LINGO2: variants seen among roughly 807,000 people sequenced by gnomAD.
LINGO2 encodes leucine-rich repeat and immunoglobulin-like domain-containing nogo receptor-interacting protein 2.
A neutral mutation model predicts 30.6 loss-of-function variants in LINGO2; 14 were observed. The ratio of observed to expected loss-of-function variants is 0.46; its 90% confidence interval spans 0.30 to 0.72. The LOEUF (loss-of-function observed/expected upper bound fraction) is 0.72, where lower values mean the gene tolerates loss of function less well. Ranked by LOEUF, LINGO2 falls within the 30% of genes least tolerant of loss-of-function variation. LINGO2 has a pLI of 0.07. For missense variants in LINGO2, 729 were observed against 751.7 expected (o/e 0.97, Z 0.35); for synonymous variants, 317 against 288.5 (o/e 1.10, Z -1.00).
At chr9:28,797,359 TAGAG>T in the LINGO2 span, among the ~76,000 whole-genome samples, 45 of 34,202 alleles carry the variant, frequency 1.3e-3, no homozygotes, top group East Asian at 4.8e-3. Flanking sequence ...TATATATATA[TAGAG>T]AGAGAGAGAG....
intron 4 of LINGO2, among the ~76,000 whole-genome samples, chr9:28,273,664 G>A (rs1823019921): frequency 6.6e-6 from 1 of 152,136 alleles, no homozygotes; most frequent in Admixed American, 6.5e-5. Flanking sequence ...TCTATCAGAG[G>A]ATATTGGGAT....
the LINGO2 span, among the ~76,000 whole-genome samples, chr9:28,727,353 T>G: frequency 6.6e-6 from 1 of 151,978 alleles, no homozygotes; most frequent in Admixed American, 6.6e-5. Context: ...TGGTGCGATC[T>G]CAGCTCACTG....
At chr9:28,696,902 T>A in the LINGO2 span, among the ~76,000 whole-genome samples, 1 of 151,974 alleles carries the variant, frequency 6.6e-6, no homozygotes, top group Non-Finnish European at 1.5e-5. Flanking sequence ...GCTATACAAG[T>A]GACATGATCT....
chr9:28,473,945 C>T (rs888119170), intron 2 of LINGO2, among the ~76,000 whole-genome samples: 9 of 152,068 alleles, frequency 5.9e-5, no homozygotes, highest in Admixed American at 3.9e-4. Flanking sequence ...AAAAAACATT[C>T]CATCAGCATC....
intron 4 of LINGO2, among the ~76,000 whole-genome samples, chr9:28,057,410 C>T (rs146405294): frequency 0.018 from 2,749 of 151,600 alleles, 41 homozygotes; most frequent in Non-Finnish European, 0.026. Flanking sequence ...TGCCAGTAAG[C>T]GCTTTTGAGG....
the LINGO2 span, among the ~76,000 whole-genome samples, chr9:28,964,098 A>G: frequency 6.6e-6 from 1 of 151,444 alleles, no homozygotes; most frequent in East Asian, 1.9e-4. Flanking sequence ...ACATATATGT[A>G]CACACACACG....
the LINGO2 span, among the ~76,000 whole-genome samples, chr9:28,735,782 A>G: frequency 6.6e-6 from 1 of 151,848 alleles, no homozygotes; most frequent in Non-Finnish European, 1.5e-5. Context: ...AAAAAAAAAA[A>G]TACTTGTCAG....
At position 28,646,556 on chromosome 9, in the gene LINGO2, G is replaced by A. The variant is rs557902810; in HGVS notation, c.-365+23644C>T. Among the ~76,000 whole-genome samples, 26 of 152,030 alleles carry A rather than the reference G, an allele frequency of 1.7e-4. No homozygotes were observed. In the South Asian group the frequency reaches 5.2e-3, roughly 30 times the overall value. Reference sequence around the variant, plus strand: ...ACTAATTTTGATACTAACATGATATGAACCAACAAAAAGGATCAGACAAAA... The same window carrying A: ...ACTAATTTTGATACTAACATGATATAAACCAACAAAAAGGATCAGACAAAA... On this transcript the variant is annotated intron_variant, in intron 1 of 5. Coordinates refer to ENST00000379992, the Ensembl canonical transcript of LINGO2.
chr9:28,779,107 T>C, the LINGO2 span, among the ~76,000 whole-genome samples: 2 of 152,232 alleles, frequency 1.3e-5, no homozygotes, highest in Non-Finnish European at 2.9e-5. Flanking sequence ...ATCTGTTGTA[T>C]AATGTTATTT....
At chr9:28,247,567 G>C (rs1822048953) in intron 4 of LINGO2, among the ~76,000 whole-genome samples, 1 of 152,110 alleles carries the variant, frequency 6.6e-6, no homozygotes. Flanking sequence ...CATGGACACA[G>C]GGAGGGGAAC....
At chr9:28,840,830 G>A in the LINGO2 span, among the ~76,000 whole-genome samples, 29 of 151,944 alleles carry the variant, frequency 1.9e-4, no homozygotes, top group East Asian at 4.8e-3. Flanking sequence ...AGAAGGGAGA[G>A]TAATTTGGTT....
chr9:29,198,744 G>A, the LINGO2 span, among the ~76,000 whole-genome samples: 1 of 152,070 alleles, frequency 6.6e-6, no homozygotes, highest in African/African-American at 2.4e-5. Context: ...ACTAAAGAGG[G>A]CAACTAAGAA....
chr9:28,392,631 C>T (rs543206877), intron 2 of LINGO2, among the ~76,000 whole-genome samples: 65 of 152,270 alleles, frequency 4.3e-4, no homozygotes, highest in African/African-American at 1.5e-3. Flanking sequence ...TCCAGTTCCC[C>T]CTACCCTTCC....
At chr9:28,028,286 G>A (rs990097813) in intron 4 of LINGO2, among the ~76,000 whole-genome samples, 3 of 152,088 alleles carry the variant, frequency 2.0e-5, no homozygotes, top group South Asian at 2.1e-4. Flanking sequence ...AACTAGGCAG[G>A]TGCAATGCCA....
Position 28,280,574 on chromosome 9 carries a change from G to C in LINGO2, c.-87+14634C>G, listed in dbSNP as rs1392368846. On this transcript the variant is annotated intron_variant, in intron 4 of 5. Coordinates refer to ENST00000379992, the Ensembl canonical transcript of LINGO2. Reference sequence around the variant, plus strand: ...CTACTTCCTAGTGTGTTCCATTTAAGACAATGTCCTTTTACTCTTCCTCAG... The same window carrying C: ...CTACTTCCTAGTGTGTTCCATTTAACACAATGTCCTTTTACTCTTCCTCAG... Among the ~76,000 whole-genome samples, 3 of 152,090 alleles carry C rather than the reference G, an allele frequency of 2.0e-5. No homozygotes were observed. In the East Asian group the frequency reaches 5.8e-4, roughly 29 times the overall value.
At chr9:28,358,615 A>C (rs2134492802) in intron 3 of LINGO2, among the ~76,000 whole-genome samples, 1 of 152,258 alleles carries the variant, frequency 6.6e-6, no homozygotes, top group Non-Finnish European at 1.5e-5. Context: ...GGAACCAGGC[A>C]TATGGGCTAC....
chr9:28,475,173 C>G (rs1229619283), intron 2 of LINGO2, among the ~76,000 whole-genome samples: 1 of 152,010 alleles, frequency 6.6e-6, no homozygotes, highest in Non-Finnish European at 1.5e-5. Context: ...TATGTGAAAA[C>G]TAAACACAAT....
At chr9:28,904,359 A>G in the LINGO2 span, among the ~76,000 whole-genome samples, 1 of 152,084 alleles carries the variant, frequency 6.6e-6, no homozygotes, top group Non-Finnish European at 1.5e-5. Context: ...GCCTAGCTAG[A>G]ACAATTAGCA....
At chr9:28,109,170 A>G (rs987663269) in intron 4 of LINGO2, among the ~76,000 whole-genome samples, 1 of 152,248 alleles carries the variant, frequency 6.6e-6, no homozygotes, top group Non-Finnish European at 1.5e-5. Context: ...ATAGATGCAG[A>G]AAACTCCTTC....
Sources: allele counts gnomAD v4.1 joint callset (sites outside exome capture counted in the v4.1 genomes callset), GRCh38; gene constraint gnomAD v4.1.1; transcripts MANE v1.5; gene names NCBI Gene and HGNC (gene_info 2026-07-23, HGNC 2026-07-21).